BHMT2: variants seen among roughly 807,000 people sequenced by gnomAD.
The protein encoded by BHMT2 is betaine--homocysteine S-methyltransferase 2, also known as S-methylmethionine--homocysteine S-methyltransferase BHMT2.
A neutral mutation model predicts 39.0 loss-of-function variants in BHMT2; 28 were observed. The ratio of observed to expected loss-of-function variants is 0.72; its 90% CI spans 0.53 to 0.98. The LOEUF is 0.98. Ranked by LOEUF, BHMT2 falls within the 50% of genes least tolerant of loss-of-function variation. BHMT2 has a pLI of 0.00. For synonymous variants in BHMT2, 145 were observed against 160.6 expected, an observed-to-expected ratio of 0.90 and a Z score of 0.74; for missense variants, 410 against 455.6, an observed-to-expected ratio of 0.90 and a Z score of 0.91.
Position 79,080,784 on chromosome 5 carries a change from A to G in BHMT2, c.356A>G (p.Tyr119Cys), listed in dbSNP as rs376612694. 1.3e-5 allele frequency: 21 copies of G among 1,607,184 alleles called. No individual in the cohort carries two copies. In the African/African-American group the frequency reaches 2.7e-4, roughly 21 times the overall value. ...GGGGGGATCTGCCAGACATCAATAT[A>G]CAAATACCAGAAGGATGAAGCTAGA... Reference protein sequence around the residue: ...VAGGICQTSIYKYQKDEARIK... With the variant: ...VAGGICQTSICKYQKDEARIK... Residue 119 changes from tyrosine to cysteine, a missense_variant, in exon 4 of 8, where the codon TAC becomes TGC. Coordinates refer to ENST00000255192, the MANE Select transcript of BHMT2 (RefSeq NM_017614.5).
rs1257787003 is a variant in BHMT2, at chr5:79,088,580, A to G, written c.*6A>G. ...TGTCAAAGCCAGACTTCTAAGGAGT[A>G]GTGAAAGAAAACCCTGAAATAATCG... is the stretch of plus-strand genomic sequence containing the variant. On this transcript the variant is annotated 3_prime_UTR_variant, in exon 8 of 8. Coordinates refer to ENST00000255192, the MANE Select transcript of BHMT2 (RefSeq NM_017614.5). 2.5e-6 allele frequency: 4 copies of G among 1,612,352 alleles called. No individual in the cohort carries two copies. The South Asian group carries it at 3.3e-5, about 13-fold the overall frequency.
chr5:79,083,205 T>C lies in BHMT2; in HGVS notation c.612T>C (p.Val204=). Residue 204 remains valine, a synonymous_variant, in exon 6 of 8, where the codon GTT becomes GTC. Coordinates refer to ENST00000255192, the MANE Select transcript of BHMT2 (RefSeq NM_017614.5). ...TTCTTTGCACAGGGGCTTCCATCGT[T>C]GGCGTGAACTGCCGCTTTGGGCCCG... ...VRLVKAGASI[V]GVNCRFGPDT... The C allele has an allele frequency of 6.2e-7, 1 of 1,614,134 alleles. No individual in the cohort carries two copies. The highest frequency in any genetic ancestry group is 8.5e-7 in the Non-Finnish European group (1 of 1,180,042).
rs1366301543 is a variant in BHMT2, at chr5:79,089,279, C to G, written c.*705C>G. 2.0e-5 allele frequency: 3 copies of G among 151,962 alleles called. No homozygotes were observed. Among genetic ancestry groups the G allele is most frequent in the Non-Finnish European group, 2.9e-5 (2 of 68,046 alleles). 9.4% of individuals were successfully genotyped at this position (151,962 alleles called of 1,614,324 possible). On this transcript the variant is annotated 3_prime_UTR_variant, in exon 8 of 8. Transcript: ENST00000255192. ...CCAGCCTGACCAACATGGTGAAACC[C>G]TGTCTCTACCAAAATACAAAAATTA...
rs1561242199 is a variant in BHMT2 at position 79,082,967 on chromosome 5, C to T, written c.598+11C>T. Reference sequence around the variant, plus strand: ...GGCTGGTGAAGGCAGGTAATTTGGACCCATACCGTGATACACAGCTCAGTT... The same window carrying T: ...GGCTGGTGAAGGCAGGTAATTTGGATCCATACCGTGATACACAGCTCAGTT... On this transcript the variant is annotated intron_variant, in intron 5 of 7. Coordinates refer to ENST00000255192, the MANE Select transcript of BHMT2 (RefSeq NM_017614.5). 1.9e-6 allele frequency: 3 copies of T among 1,613,908 alleles called. No homozygotes were observed. The highest frequency in any genetic ancestry group is 3.3e-4 in the Middle Eastern group (2 of 6,062).
intron 7 of BHMT2, among the ~76,000 whole-genome samples, chr5:79,086,115 C>T (rs1444149849): frequency 6.6e-6 from 1 of 152,164 alleles, no homozygotes; most frequent in African/African-American, 2.4e-5. Context: ...CAGACAGTGG[C>T]TTTTTCAACC....
At position 79,069,773 on chromosome 5, in the gene BHMT2, C is replaced by G; in HGVS notation, c.-10C>G. 1 of 1,423,124 alleles carries G rather than the reference C, an allele frequency of 7.0e-7. No individual in the cohort carries two copies. Among genetic ancestry groups the G allele is most frequent in the South Asian group, 1.5e-5 (1 of 65,752 alleles). 88.2% of individuals were successfully genotyped at this position (1,423,124 alleles called of 1,614,324 possible). ...GCCCGGGAACCCGGCGCCCACAGAG[C>G]CGCGGCACCATGGCACCTGCTGGAC... On this transcript the variant is annotated 5_prime_UTR_variant, in exon 1 of 8. Coordinates refer to ENST00000255192, the MANE Select transcript of BHMT2 (RefSeq NM_017614.5).
chr5:79,083,357 T>A lies in BHMT2; in HGVS notation c.764T>A (p.Leu255His), dbSNP rs141370708. ...TGTGGCAAAGAGGGGTTTGTGGATC[T>A]CCCAGAATATCCCTTTGGTAAGCTC... ...PDCGKEGFVD[L>H]PEYPFGLESR... Residue 255 changes from leucine (L) to histidine (H), a missense_variant, in exon 6 of 8, where the codon CTC becomes CAC. Physicochemically the swap from Leu to His is moderately conservative, Grantham distance 99. Coordinates refer to ENST00000255192, the MANE Select transcript of BHMT2 (RefSeq NM_017614.5). The A allele has an allele frequency of 2.5e-5, 40 of 1,598,924 alleles. No individual in the cohort carries two copies. Among genetic ancestry groups the A allele is most frequent in the Non-Finnish European group, 3.3e-5 (39 of 1,171,882 alleles).
intron 1 of BHMT2, among the ~76,000 whole-genome samples, chr5:79,076,439 T>G (rs1755674336): frequency 6.6e-6 from 1 of 152,096 alleles, no homozygotes; most frequent in Non-Finnish European, 1.5e-5. Context: ...GTGCCTATCC[T>G]CACCAGGGTC....
chr5:79,084,363 GC>G (rs1309676339), intron 7 of BHMT2, among the ~76,000 whole-genome samples: 1 of 152,046 alleles, frequency 6.6e-6, no homozygotes, highest in Non-Finnish European at 1.5e-5. Flanking sequence ...TGCAACCTCT[GC>G]CCCCCAGGTT....
intron 7 of BHMT2, 90 bp downstream of exon 7, chr5:79,083,946 G>A: frequency 6.9e-7 from 1 of 1,454,788 alleles, no homozygotes; most frequent in Non-Finnish European, 9.2e-7. Flanking sequence ...ATGACAAAAA[G>A]TATAGAAATG....
chr5:79,079,769 G>A (rs965358717), intron 3 of BHMT2, among the ~76,000 whole-genome samples: 2 of 152,092 alleles, frequency 1.3e-5, no homozygotes, highest in African/African-American at 4.8e-5. Flanking sequence ...GGTGGCAGGC[G>A]CCAGTAATCC....
Position 79,083,342 on chromosome 5 carries a change from A to G in BHMT2, c.749A>G (p.Glu250Gly). 1.2e-6 allele frequency: 2 copies of G among 1,607,802 alleles called. No homozygotes were observed. Among genetic ancestry groups the G allele is most frequent in the Non-Finnish European group, 1.7e-6 (2 of 1,176,026 alleles). The change falls in exon 6 of 8, where the codon GAG (glutamate) becomes GGG (glycine). Residue 250 changes from glutamate (E) to glycine (G), a missense_variant. By Grantham distance (98) the Glu-to-Gly change is moderately conservative. Transcript: ENST00000255192. ...TTCCACGCGCCTGACTGTGGCAAAGAGGGGTTTGTGGATCTCCCAGAATAT... is the reference window on the plus strand; with the variant it reads ...TTCCACGCGCCTGACTGTGGCAAAGGGGGGTTTGTGGATCTCCCAGAATAT... ...LGFHAPDCGK[E>G]GFVDLPEYPF...
Sources: gnomAD v4.1 joint callset for allele counts (sites outside exome capture counted in the v4.1 genomes callset) on GRCh38, gnomAD v4.1.1 for gene constraint, MANE v1.5 for transcripts, NCBI Gene and HGNC (gene_info 2026-07-23, HGNC 2026-07-21) for gene names.